TESPA1: variants seen among roughly 807,000 people sequenced by gnomAD.
The protein encoded by TESPA1 is thymocyte expressed, positive selection associated 1.
A neutral mutation model predicts 57.9 loss-of-function variants in TESPA1; 33 were observed. That is an observed-to-expected ratio of 0.57 (90% CI 0.43 to 0.76). TESPA1 has a LOEUF of 0.76. TESPA1 is among the 30% of genes least tolerant of loss of function. TESPA1 has a pLI of 0.00. For missense variants in TESPA1, 618 were observed against 632.9 expected, an observed-to-expected ratio of 0.98 and a Z score of 0.25; for synonymous variants, 227 against 228.9, an observed-to-expected ratio of 0.99 and a Z score of 0.07.
intron 10 of TESPA1, among the ~76,000 whole-genome samples, chr12:54,955,235 T>A (rs1950660739): frequency 6.6e-6 from 1 of 152,206 alleles, no homozygotes; most frequent in Non-Finnish European, 1.5e-5. Flanking sequence ...CTTCTTTCAA[T>A]AAATGATAAT....
At chr12:54,981,792 G>A (rs1360358954) in intron 1 of TESPA1, 1 of 152,240 alleles carries the variant, frequency 6.6e-6, no homozygotes, top group Non-Finnish European at 1.5e-5. Flanking sequence ...AGTTCCAGAT[G>A]CATGCTTTCT....
intron 10 of TESPA1, among the ~76,000 whole-genome samples, chr12:54,952,340 A>G (rs1468529630): frequency 6.6e-6 from 1 of 152,250 alleles, no homozygotes. Context: ...AACAGAAACC[A>G]ATGAAGACAT....
chr12:54,975,912 A>G (rs1392965544), intron 1 of TESPA1, among the ~76,000 whole-genome samples: 2 of 152,172 alleles, frequency 1.3e-5, no homozygotes, highest in African/African-American at 2.4e-5. Flanking sequence ...AAAATAATAC[A>G]TAATTACTGT....
At chr12:54,963,544 C>A (rs190788051) in intron 8 of TESPA1, among the ~76,000 whole-genome samples, 198 bp downstream of exon 8, 4 of 152,278 alleles carry the variant, frequency 2.6e-5, no homozygotes, top group Admixed American at 2.6e-4. Context: ...GGCCTGAAGT[C>A]TCTTAAAGGC....
chr12:54,970,972 C>G (rs560117345), intron 3 of TESPA1, among the ~76,000 whole-genome samples: 1 of 152,298 alleles, frequency 6.6e-6, no homozygotes, highest in South Asian at 2.1e-4. Context: ...CCCAGAAAAT[C>G]CCGAGAGCTT....
chr12:54,976,280 A>C (rs1952132160), intron 1 of TESPA1, among the ~76,000 whole-genome samples: 1 of 152,228 alleles, frequency 6.6e-6, no homozygotes, highest in African/African-American at 2.4e-5. Flanking sequence ...CCTTAGGACA[A>C]GAATCTAAAA....
intron 1 of TESPA1, among the ~76,000 whole-genome samples, chr12:54,982,151 C>G (rs1000622448): frequency 6.6e-6 from 1 of 152,202 alleles, no homozygotes; most frequent in African/African-American, 2.4e-5. Context: ...TGGATTGTCC[C>G]CCATTTGACA....
At chr12:54,985,162 G>A (rs1952440234), upstream of TESPA1, among the ~76,000 whole-genome samples, 3 of 152,294 alleles carry the variant, frequency 2.0e-5, no homozygotes, top group South Asian at 6.2e-4. Context: ...TGAGCCAGTC[G>A]CTCTGTGTTG....
chr12:54,953,148 G>T (rs903472648), intron 10 of TESPA1, among the ~76,000 whole-genome samples: 17 of 152,042 alleles, frequency 1.1e-4, no homozygotes, highest in African/African-American at 3.9e-4. Context: ...ACTTCTACCA[G>T]AATAATCTTT....
At chr12:54,958,992 A>G (rs565341607) in intron 10 of TESPA1, among the ~76,000 whole-genome samples, 1 of 152,166 alleles carries the variant, frequency 6.6e-6, no homozygotes, top group Admixed American at 6.5e-5. Context: ...CATATCTGAG[A>G]CTGGTTTTAA....
intron 3 of TESPA1, among the ~76,000 whole-genome samples, chr12:54,970,761 A>G (rs1482404050): frequency 6.6e-6 from 1 of 152,202 alleles, no homozygotes; most frequent in Non-Finnish European, 1.5e-5. Flanking sequence ...GAGCCAAGGT[A>G]TTGCTCTTTC....
chr12:54,960,623 A>T (rs1428581445), intron 10 of TESPA1, among the ~76,000 whole-genome samples: 1 of 152,204 alleles, frequency 6.6e-6, no homozygotes, highest in African/African-American at 2.4e-5. Flanking sequence ...AAACTTCAAT[A>T]TGCAATCAAT....
upstream of TESPA1, among the ~76,000 whole-genome samples, chr12:54,984,955 T>C (rs538493571): frequency 9.2e-5 from 14 of 152,290 alleles, no homozygotes; most frequent in African/African-American, 3.4e-4. Flanking sequence ...TCTTTTCCTA[T>C]TAAGGCAAAG....
At chr12:54,979,500 A>G (rs1366947431) in intron 1 of TESPA1, among the ~76,000 whole-genome samples, 1 of 151,968 alleles carries the variant, frequency 6.6e-6, no homozygotes, top group Non-Finnish European at 1.5e-5. Flanking sequence ...TCTTTTCTAC[A>G]TTTCTCTAGA....
rs1951440801 is a variant in TESPA1 at position 54,966,493 on chromosome 12, T to C, written c.311-69A>G. 6.4e-6 allele frequency: 10 copies of C among 1,564,324 alleles called. No individual in the cohort carries two copies. The East Asian group carries it at 2.0e-4, about 32-fold the overall frequency. On this transcript the variant is annotated intron_variant, in intron 5 of 10. Transcript: ENST00000449076. ...ATGAAAATCACCTGTGTTGCCCCTC[T>C]GAACCTAAAACTCAGTCCCCTCTGT...
chr12:54,973,661 A>G lies in TESPA1; in HGVS notation c.164-142T>C, dbSNP rs995735247. ...TCTACATAAAGCTTTTCTTTAAGAT[A>G]TGAGAGGAATACACCGTATATAAAA... On this transcript the variant is annotated intron_variant, in intron 2 of 10. Transcript: ENST00000449076. The G allele has an allele frequency of 6.7e-6, 10 of 1,497,686 alleles. No homozygotes were observed. The African/African-American group carries it at 1.3e-4, about 19-fold the overall frequency. 92.8% of individuals were successfully genotyped at this position (1,497,686 alleles called of 1,614,324 possible). A position where few individuals can be genotyped will look rare whatever the true frequency, so the allele number is the denominator to read the frequency against.
At chr12:54,978,689 C>T (rs1242364633) in intron 1 of TESPA1, among the ~76,000 whole-genome samples, 1 of 152,196 alleles carries the variant, frequency 6.6e-6, no homozygotes, top group African/African-American at 2.4e-5. Flanking sequence ...CATTGACTCT[C>T]AACATTGCTT....
intron 1 of TESPA1, among the ~76,000 whole-genome samples, chr12:54,979,179 G>C (rs1952229182): frequency 6.6e-6 from 1 of 151,174 alleles, no homozygotes; most frequent in South Asian, 2.1e-4. Flanking sequence ...CTTAATTTAT[G>C]AAGCTTGAAC....
chr12:54,961,624 G>A lies in TESPA1; in HGVS notation c.1468-357C>T, dbSNP rs114000583. On this transcript the variant is annotated intron_variant, in intron 9 of 10. Transcript: ENST00000449076. ...AAGAGTTGGTGGACTTAGAGAACAC[G>A]AAGAGTTGGTGGACTTAGAGAATGT... Among the ~76,000 whole-genome samples, 144 of 152,288 alleles carry A rather than the reference G, an allele frequency of 9.5e-4. 1 individual carries two copies. The highest frequency in any genetic ancestry group is 3.2e-3 in the African/African-American group (135 of 41,562).
Sources: gnomAD v4.1 joint callset for allele counts (sites outside exome capture counted in the v4.1 genomes callset) on GRCh38, gnomAD v4.1.1 for gene constraint, MANE v1.5 for transcripts, NCBI Gene and HGNC (gene_info 2026-07-23, HGNC 2026-07-21) for gene names.